The following BRWD3 variants were observed in gnomAD, a reference collection of about 807,000 sequenced individuals.
BRWD3 encodes bromodomain and WD repeat-containing protein 3.
In BRWD3, 10 loss-of-function variants were observed where a neutral mutation model predicts 149.7. The observed-to-expected ratio is 0.07, with a 90% CI of 0.04 to 0.11. BRWD3 has a LOEUF of 0.11. BRWD3 is among the 10% of genes least tolerant of loss of function. The pLI, the probability that BRWD3 is intolerant of heterozygous loss-of-function variation, is 1.00. For missense variants in BRWD3, 940 were observed against 1,373.2 expected, an observed-to-expected ratio of 0.68 and a Z score of 4.99; for synonymous variants, 504 against 456.7, an observed-to-expected ratio of 1.10 and a Z score of -1.32.
chrX:80,702,780 G>A (rs2072808638), intron 24 of BRWD3, among the ~76,000 whole-genome samples: 1 of 111,536 alleles, frequency 9.0e-6, no homozygotes, highest in South Asian at 3.7e-4. Context: ...TACTTGCAAG[G>A]TTTTGTTCCT....
chrX:80,756,610 T>C (rs953185589), intron 6 of BRWD3, among the ~76,000 whole-genome samples: 1 of 110,056 alleles, frequency 9.1e-6, no homozygotes, highest in South Asian at 3.9e-4. Flanking sequence ...CTTACTACAG[T>C]AGCCTTTATT....
chrX:80,682,394 A>T, intron 38 of BRWD3, 71 bp downstream of exon 38: 1 of 1,123,105 alleles, frequency 8.9e-7, no homozygotes, highest in Non-Finnish European at 1.2e-6. Flanking sequence ...ATTATTCATA[A>T]ACTTTCACAA....
chrX:80,734,025 G>A (rs2073370603), intron 11 of BRWD3, 93 bp downstream of exon 11: 1 of 655,326 alleles, frequency 1.5e-6, no homozygotes, highest in African/African-American at 2.2e-5. Flanking sequence ...TTTGTGATTT[G>A]TATATGTTAC....
chrX:80,783,719 C>A (rs187251310), intron 6 of BRWD3, among the ~76,000 whole-genome samples: 1 of 111,002 alleles, frequency 9.0e-6, no homozygotes, highest in South Asian at 3.8e-4. Context: ...GGTATTTATA[C>A]GCAATGGAAT....
At chrX:80,725,211 G>A (rs936089110) in intron 14 of BRWD3, 144 bp from the exon 15 acceptor site, 6 of 599,523 alleles carry the variant, frequency 1.0e-5, no homozygotes, top group Non-Finnish European at 1.6e-5. Flanking sequence ...GATACTACAT[G>A]AACAATATAG....
chrX:80,800,788 C>T (rs1837857978), intron 4 of BRWD3, among the ~76,000 whole-genome samples: 1 of 111,126 alleles, frequency 9.0e-6, no homozygotes. Flanking sequence ...CAGGCCTTTC[C>T]CTAGTTGCTC....
intron 22 of BRWD3, among the ~76,000 whole-genome samples, chrX:80,706,903 T>C (rs1366779354): frequency 8.9e-6 from 1 of 112,647 alleles, no homozygotes; most frequent in Non-Finnish European, 1.9e-5. Flanking sequence ...CGTAATAATA[T>C]AAAAGTATAG....
Position 80,681,511 on chromosome X carries a change from A to G in BRWD3, c.4496-12T>C. 4 of 1,179,846 alleles carry G rather than the reference A, an allele frequency of 3.4e-6. No individual in the cohort carries two copies. The highest frequency in any genetic ancestry group is 2.3e-6 in the Non-Finnish European group (2 of 867,448). ...AGCAGCATCTGAAACTTACATTTTA[A>G]AAGATTTTAATACTAACATAATTAT... On this transcript the variant is annotated splice_polypyrimidine_tract_variant and intron_variant, in intron 39 of 40. Coordinates refer to ENST00000373275, the MANE Select transcript of BRWD3 (RefSeq NM_153252.5).
intron 28 of BRWD3, 115 bp from the exon 29 acceptor site, chrX:80,692,265 T>C: frequency 1.5e-6 from 1 of 645,552 alleles, no homozygotes; most frequent in African/African-American, 2.2e-5. Flanking sequence ...GCAATACAGT[T>C]GTCTTGAAAG....
intron 34 of BRWD3, among the ~76,000 whole-genome samples, chrX:80,687,390 T>G (rs192963163): frequency 9.0e-6 from 1 of 111,712 alleles, no homozygotes. Flanking sequence ...TGATTTTTTT[T>G]CCCAGAAATC....
intron 6 of BRWD3, among the ~76,000 whole-genome samples, chrX:80,773,507 T>TATATATATTATATATATATA (rs2073969176): frequency 8.9e-6 from 1 of 111,924 alleles, no homozygotes; most frequent in Non-Finnish European, 1.9e-5. Context: ...TTATATTAGT[T>TATATATATTATATATATATA]ACATATTTCT....
At chrX:80,706,740 A>G (rs1476581247) in intron 22 of BRWD3, among the ~76,000 whole-genome samples, 1 of 112,875 alleles carries the variant, frequency 8.9e-6, no homozygotes, top group East Asian at 2.8e-4. Context: ...AATAAAAAGT[A>G]TAGCATAAAC....
At chrX:80,754,260 G>C (rs1007446877) in intron 6 of BRWD3, among the ~76,000 whole-genome samples, 1 of 111,246 alleles carries the variant, frequency 9.0e-6, no homozygotes, top group African/African-American at 3.3e-5. Flanking sequence ...TAGATTTTGG[G>C]GGTTTTTTTG....
At chrX:80,785,967 T>C (rs1365039861) in intron 6 of BRWD3, among the ~76,000 whole-genome samples, 1 of 112,028 alleles carries the variant, frequency 8.9e-6, no homozygotes, top group Non-Finnish European at 1.9e-5. Context: ...AAGCGGGGGT[T>C]GCAGTGAGCC....
chrX:80,722,138 G>A (rs751915224), intron 17 of BRWD3, among the ~76,000 whole-genome samples: 2 of 112,057 alleles, frequency 1.8e-5, no homozygotes, highest in African/African-American at 3.2e-5. Flanking sequence ...GTGAGCCACC[G>A]CGCCTGGCCA....
At chrX:80,765,574 C>A (rs1286743077) in intron 6 of BRWD3, among the ~76,000 whole-genome samples, 2 of 111,770 alleles carry the variant, frequency 1.8e-5, no homozygotes, top group Non-Finnish European at 3.8e-5. Flanking sequence ...GAACTGAGTA[C>A]TGTAAGTGTT....
chrX:80,699,756 T>C (rs1394199445), intron 25 of BRWD3, among the ~76,000 whole-genome samples: 1 of 111,896 alleles, frequency 8.9e-6, no homozygotes, highest in African/African-American at 3.2e-5. Context: ...GACTAGACAA[T>C]AGAAAATAGC....
At chrX:80,774,185 C>CAT (rs2073976755) in intron 6 of BRWD3, among the ~76,000 whole-genome samples, 1 of 111,686 alleles carries the variant, frequency 9.0e-6, no homozygotes, top group Non-Finnish European at 1.9e-5. Flanking sequence ...CTTAGTTTCG[C>CAT]ATATATATTT....
chrX:80,688,095 C>T lies in BRWD3; in HGVS notation c.3838G>A (p.Gly1280Ser), dbSNP rs1602306385. 1.7e-6 allele frequency: 2 copies of T among 1,202,274 alleles called. No homozygotes were observed. Among genetic ancestry groups the T allele is most frequent in the Non-Finnish European group, 2.3e-6 (2 of 887,453 alleles). The change falls in exon 34 of 41, where the codon GGT becomes AGT. Residue 1280 changes from glycine (G) to serine (S), a missense_variant. By Grantham distance (56) the Gly-to-Ser change is moderately conservative. Coordinates refer to ENST00000373275, the MANE Select transcript of BRWD3 (RefSeq NM_153252.5). Reference sequence around the variant, plus strand: ...TTTCTTCCAGATGAAGTACCAGGACCGTCTGAATCTAAATCAACAATTTCT... The same window carrying T: ...TTTCTTCCAGATGAAGTACCAGGACTGTCTGAATCTAAATCAACAATTTCT... ...DTEIVDLDSD[G>S]PGTSSGRKVK...
Sources: allele counts gnomAD v4.1 joint callset (sites outside exome capture counted in the v4.1 genomes callset), GRCh38; gene constraint gnomAD v4.1.1; transcripts MANE v1.5; gene names NCBI Gene and HGNC (gene_info 2026-07-23, HGNC 2026-07-21).